The following ST8SIA4 variants were observed in gnomAD, a reference collection of about 807,000 sequenced individuals.
ST8SIA4 encodes CMP-N-acetylneuraminate-poly-alpha-2,8-sialyltransferase.
A neutral mutation model predicts 33.9 loss-of-function variants in ST8SIA4; 15 were observed. The observed-to-expected ratio is 0.44, with a 90% CI of 0.30 to 0.68. ST8SIA4 has a LOEUF of 0.68. Ranked by LOEUF, ST8SIA4 falls within the 30% of genes least tolerant of loss-of-function variation. The pLI, the probability that ST8SIA4 is intolerant of heterozygous loss-of-function variation, is 0.10. For missense variants in ST8SIA4, 321 were observed against 428.0 expected (o/e 0.75, Z 2.21); for synonymous variants, 171 against 151.2 (o/e 1.13, Z -0.96).
chr5:100,893,148 C>A (rs1284128754), intron 2 of ST8SIA4, among the ~76,000 whole-genome samples: 1 of 151,852 alleles, frequency 6.6e-6, no homozygotes, highest in Non-Finnish European at 1.5e-5. Flanking sequence ...AAAATAATAA[C>A]AATAATAATA....
intron 1 of ST8SIA4, 144 bp downstream of exon 1, chr5:100,902,699 C>T (rs552490256): frequency 3.4e-4 from 249 of 732,196 alleles, no homozygotes; most frequent in South Asian, 9.0e-4. Flanking sequence ...CAACAACAGC[C>T]TTTGTTATTT....
At chr5:100,865,423 T>A (rs541911508) in intron 3 of ST8SIA4, among the ~76,000 whole-genome samples, 91 of 152,312 alleles carry the variant, frequency 6.0e-4, no homozygotes, top group Non-Finnish European at 1.2e-3. Flanking sequence ...TTACTAGACA[T>A]ATTCTCTCTC....
intron 3 of ST8SIA4, among the ~76,000 whole-genome samples, chr5:100,882,628 TCA>T (rs541796687): frequency 8.5e-4 from 129 of 152,302 alleles, no homozygotes; most frequent in South Asian, 4.1e-3. Flanking sequence ...GCCTCTCCCA[TCA>T]CAGACCTGGA....
At chr5:100,849,335 A>C (rs961447009) in intron 4 of ST8SIA4, 1 of 985,312 alleles carries the variant, frequency 1.0e-6, no homozygotes, top group African/African-American at 1.7e-5. Flanking sequence ...CAGAATAGGA[A>C]AGGTTTGTTT....
Position 100,811,131 on chromosome 5 carries a change from C to G in ST8SIA4, c.*716G>C, listed in dbSNP as rs1239668140. On this transcript the variant is annotated 3_prime_UTR_variant, in exon 5 of 5. Transcript: ENST00000231461. ...GGCGGAGCTTGCAGTGAGCTGAGAT[C>G]GCGCCACTGTACTCCAGCCTGGGCA... 1 of 147,634 alleles carries G rather than the reference C, an allele frequency of 6.8e-6. No individual in the cohort carries two copies. The highest frequency in any genetic ancestry group is 1.5e-5 in the Non-Finnish European group (1 of 67,648). 9.1% of individuals were successfully genotyped at this position (147,634 alleles called of 1,614,324 possible). A position where few individuals can be genotyped will look rare whatever the true frequency, so the allele number is the denominator to read the frequency against.
intron 3 of ST8SIA4, among the ~76,000 whole-genome samples, chr5:100,874,751 A>AT (rs568323558): frequency 6.6e-6 from 1 of 152,032 alleles, no homozygotes; most frequent in South Asian, 2.1e-4. Context: ...AACCTGTCTA[A>AT]TTTTTTAATT....
chr5:100,847,190 C>T (rs769041210), intron 4 of ST8SIA4, among the ~76,000 whole-genome samples: 2 of 152,170 alleles, frequency 1.3e-5, no homozygotes, highest in Non-Finnish European at 2.9e-5. Context: ...ATATTTTTAG[C>T]ATAAGACTAA....
intron 3 of ST8SIA4, chr5:100,885,819 T>C (rs921031924): frequency 2.3e-6 from 2 of 878,162 alleles, no homozygotes; most frequent in Non-Finnish European, 2.7e-6. Context: ...AATTCAAATA[T>C]ACTAACATAC....
chr5:100,813,653 G>C (rs1265571381), intron 4 of ST8SIA4, among the ~76,000 whole-genome samples: 2 of 151,938 alleles, frequency 1.3e-5, no homozygotes, highest in Non-Finnish European at 2.9e-5. Context: ...TTCTTTGAAG[G>C]CTTTGAAGAA....
rs72778615 is a variant in ST8SIA4, at chr5:100,839,611, A to C, written c.797+16492T>G. 6.6e-3 allele frequency among the ~76,000 whole-genome samples: 1,008 copies of C among 152,104 alleles called. 9 individuals are homozygous for C. The highest frequency in any genetic ancestry group is 0.014 in the Middle Eastern group (4 of 294). ...TCTTTATCTCTGGCCAGGAAACACA[A>C]GACAGAAACAGCTCAAGATCTGTGA... On this transcript the variant is annotated intron_variant, in intron 4 of 4. Transcript: ENST00000231461.
chr5:100,866,031 C>T lies in ST8SIA4; in HGVS notation c.504-9635G>A, dbSNP rs116825977. Among the ~76,000 whole-genome samples, 811 of 152,254 alleles carry T rather than the reference C, an allele frequency of 5.3e-3. 2 individuals carry two copies. Among genetic ancestry groups the T allele is most frequent in the Non-Finnish European group, 8.1e-3 (549 of 68,004 alleles). On this transcript the variant is annotated intron_variant, in intron 3 of 4. Coordinates refer to ENST00000231461, the MANE Select transcript of ST8SIA4 (RefSeq NM_005668.6). Reference sequence around the variant, plus strand: ...AGAAAGCATAAGCTTGCCCCTTAAGCTTGAGGACACATGGGCCTGGCCAAT... The same window carrying T: ...AGAAAGCATAAGCTTGCCCCTTAAGTTTGAGGACACATGGGCCTGGCCAAT...
intron 4 of ST8SIA4, among the ~76,000 whole-genome samples, chr5:100,845,930 TC>T (rs1273214661): frequency 2.6e-5 from 4 of 151,988 alleles, no homozygotes; most frequent in Admixed American, 2.0e-4. Flanking sequence ...AACTGGATGC[TC>T]CCATGCGTCA....
At chr5:100,825,262 G>GTATT (rs1021021509) in intron 4 of ST8SIA4, among the ~76,000 whole-genome samples, 7 of 151,964 alleles carry the variant, frequency 4.6e-5, no homozygotes, top group African/African-American at 1.7e-4. Flanking sequence ...GATTTCATGT[G>GTATT]TATTTATTTA....
chr5:100,883,840 G>A (rs886724659), intron 3 of ST8SIA4, among the ~76,000 whole-genome samples: 41 of 152,170 alleles, frequency 2.7e-4, no homozygotes, highest in Admixed American at 2.6e-3. Context: ...TTCCAGCCAT[G>A]TGGAACTGTA....
intron 3 of ST8SIA4, among the ~76,000 whole-genome samples, chr5:100,879,799 A>G (rs1253376147): frequency 1.3e-5 from 2 of 152,208 alleles, no homozygotes; most frequent in African/African-American, 4.8e-5. Context: ...CAAACAACAG[A>G]TGCCAAATAT....
Position 100,895,718 on chromosome 5 carries a change from A to G in ST8SIA4, c.181T>C (p.Ser61Pro). ...SSDKIIRKAG[S>P]SIFQHNVEGW... ...TCTACATTGTGCTGGAAGATTGAAGAGCCAGCCTTTCGAATGATTTTATCA... is the reference window on the plus strand; with the variant it reads ...TCTACATTGTGCTGGAAGATTGAAGGGCCAGCCTTTCGAATGATTTTATCA... Residue 61 changes from serine (S) to proline (P), a missense_variant, in exon 2 of 5, where the codon TCT becomes CCT. Coordinates refer to ENST00000231461, the MANE Select transcript of ST8SIA4 (RefSeq NM_005668.6). The G allele has an allele frequency of 6.2e-7, 1 of 1,612,978 alleles. No homozygotes were observed. The highest frequency in any genetic ancestry group is 8.5e-7 in the Non-Finnish European group (1 of 1,179,176).
intron 4 of ST8SIA4, among the ~76,000 whole-genome samples, chr5:100,833,056 A>C (rs1580454156): frequency 6.6e-6 from 1 of 152,270 alleles, no homozygotes; most frequent in Admixed American, 6.5e-5. Flanking sequence ...AAGGTGAGTC[A>C]GGCAAACTCT....
At chr5:100,868,614 C>T (rs1036828078) in intron 3 of ST8SIA4, among the ~76,000 whole-genome samples, 1 of 151,974 alleles carries the variant, frequency 6.6e-6, no homozygotes, top group African/African-American at 2.4e-5. Flanking sequence ...TATTCCCTCC[C>T]CTACCCAGAA....
intron 3 of ST8SIA4, among the ~76,000 whole-genome samples, chr5:100,865,048 G>A (rs115298358): frequency 0.01 from 1,549 of 152,198 alleles, 9 homozygotes; most frequent in Non-Finnish European, 0.017. Context: ...CATAGTCCCC[G>A]AACAATGGTT....
Sources: allele counts gnomAD v4.1 joint callset (sites outside exome capture counted in the v4.1 genomes callset), GRCh38; gene constraint gnomAD v4.1.1; transcripts MANE v1.5; gene names NCBI Gene and HGNC (gene_info 2026-07-23, HGNC 2026-07-21).